RDX: variants seen among roughly 807,000 people sequenced by gnomAD.
RDX encodes deafness, autosomal recessive 24.
Under a neutral mutation model 83.7 loss-of-function variants are expected in RDX, and 32 were observed. The ratio of observed to expected loss-of-function variants is 0.38; its 90% CI spans 0.29 to 0.51. RDX has a LOEUF of 0.51. Among genes scored for constraint, RDX ranks in the 20% least tolerant of loss-of-function variants. The pLI is 0.87. For synonymous variants in RDX, 229 were observed against 222.7 expected (o/e 1.03, Z -0.25); for missense variants, 600 against 689.9 (o/e 0.87, Z 1.46).
chr11:110,203,104 A>ATGG (rs1863474109), intron 14 of RDX, among the ~76,000 whole-genome samples: 1 of 152,202 alleles, frequency 6.6e-6, no homozygotes, highest in African/African-American at 2.4e-5. Context: ...ATTTGGAAGC[A>ATGG]ACCTAAGTGT....
chr11:110,272,809 C>A, intron 2 of RDX, 190 bp from the exon 3 acceptor site: 2 of 580,740 alleles, frequency 3.4e-6, no homozygotes, highest in Non-Finnish European at 6.2e-6. Context: ...ATATACTGGG[C>A]ACTAAGCTAT....
intron 15 of RDX, among the ~76,000 whole-genome samples, chr11:110,182,869 AT>A (rs1259212915): frequency 2.0e-5 from 3 of 152,210 alleles, no homozygotes; most frequent in Admixed American, 1.3e-4. Context: ...GATTCTATGT[AT>A]TTGGGGAGGA....
At chr11:110,238,155 A>G (rs563025530) in intron 10 of RDX, among the ~76,000 whole-genome samples, 2 of 152,366 alleles carry the variant, frequency 1.3e-5, no homozygotes, top group East Asian at 3.9e-4. Context: ...TAAATCCAAG[A>G]AATTAAGATT....
At chr11:110,192,902 T>G (rs1383542323) in intron 15 of RDX, among the ~76,000 whole-genome samples, 1 of 151,994 alleles carries the variant, frequency 6.6e-6, no homozygotes, top group Non-Finnish European at 1.5e-5. Flanking sequence ...AAGAGAATTC[T>G]TATACACTGT....
At chr11:110,249,683 A>C (rs755205999) in intron 9 of RDX, among the ~76,000 whole-genome samples, 2 of 152,174 alleles carry the variant, frequency 1.3e-5, no homozygotes, top group Admixed American at 1.3e-4. Flanking sequence ...AGACCAGGGC[A>C]ACATAGCGAG....
chr11:110,261,358 T>C (rs538535993), intron 5 of RDX, among the ~76,000 whole-genome samples: 1 of 152,334 alleles, frequency 6.6e-6, no homozygotes, highest in East Asian at 1.9e-4. Context: ...AGGGAAGCAA[T>C]ACTATCTGGT....
intron 10 of RDX, among the ~76,000 whole-genome samples, chr11:110,245,631 T>TA (rs1859076298): frequency 6.6e-6 from 1 of 152,210 alleles, no homozygotes. Context: ...ACTCCCCTCC[T>TA]ACCCACAACT....
At chr11:110,188,977 T>C (rs189981650) in intron 15 of RDX, among the ~76,000 whole-genome samples, 69 of 151,982 alleles carry the variant, frequency 4.5e-4, no homozygotes, top group Non-Finnish European at 8.4e-4. Context: ...AACTTCACGA[T>C]AGGATCCAAA....
chr11:110,183,856 G>A (rs548677272), intron 15 of RDX, among the ~76,000 whole-genome samples: 15 of 152,310 alleles, frequency 9.8e-5, no homozygotes, highest in African/African-American at 2.9e-4. Flanking sequence ...CAAGACCTAC[G>A]CCAGCTGAAA....
At chr11:110,266,292 C>CACT (rs1179515995) in intron 3 of RDX, among the ~76,000 whole-genome samples, 2 of 151,478 alleles carry the variant, frequency 1.3e-5, no homozygotes, top group African/African-American at 4.9e-5. Flanking sequence ...GAGATCGTGC[C>CACT]ACTGCACTCC....
At chr11:110,225,785 G>A (rs1331461974), downstream of RDX, among the ~76,000 whole-genome samples, 2 of 151,984 alleles carry the variant, frequency 1.3e-5, no homozygotes, top group Non-Finnish European at 1.5e-5. Context: ...GATGGCTGAC[G>A]CCTGTAATCC....
At chr11:110,261,280 C>T (rs1859793738) in intron 5 of RDX, among the ~76,000 whole-genome samples, 1 of 152,172 alleles carries the variant, frequency 6.6e-6, no homozygotes, top group South Asian at 2.1e-4. Flanking sequence ...AAAGGTATTA[C>T]CAAATACCCA....
chr11:110,221,759 T>G (rs2134277431), intron 14 of RDX, among the ~76,000 whole-genome samples: 1 of 152,302 alleles, frequency 6.6e-6, no homozygotes, highest in South Asian at 2.1e-4. Context: ...TGAATCAAAG[T>G]GACCTAAAGT....
intron 14 of RDX, among the ~76,000 whole-genome samples, chr11:110,204,365 C>T (rs1863524891): frequency 6.6e-6 from 1 of 151,074 alleles, no homozygotes; most frequent in Non-Finnish European, 1.5e-5. Flanking sequence ...ATAAATCTAA[C>T]AAAATAAATA....
At chr11:110,209,552 AAGAC>A (rs1863746853) in intron 14 of RDX, among the ~76,000 whole-genome samples, 1 of 152,048 alleles carries the variant, frequency 6.6e-6, no homozygotes, top group Non-Finnish European at 1.5e-5. Flanking sequence ...GACAAACAAA[AAGAC>A]AGCAGTAACC....
intron 1 of RDX, among the ~76,000 whole-genome samples, chr11:110,290,082 A>G (rs1861173288): frequency 6.6e-6 from 1 of 152,062 alleles, no homozygotes; most frequent in African/African-American, 2.4e-5. Flanking sequence ...AACTTATTAA[A>G]AGATTATCAG....
intron 1 of RDX, among the ~76,000 whole-genome samples, chr11:110,292,275 A>G (rs1391903482): frequency 6.6e-6 from 1 of 151,684 alleles, no homozygotes; most frequent in Non-Finnish European, 1.5e-5. Flanking sequence ...CCTGGGCAAC[A>G]GAGCGAGACC....
intron 2 of RDX, among the ~76,000 whole-genome samples, chr11:110,279,232 T>C (rs1486929579): frequency 6.6e-6 from 1 of 152,222 alleles, no homozygotes; most frequent in African/African-American, 2.4e-5. Context: ...CAGATTGAGC[T>C]AAATTAACAA....
intron 1 of RDX, among the ~76,000 whole-genome samples, 158 bp downstream of exon 1, chr11:110,296,309 T>G (rs1418823338): frequency 6.8e-6 from 1 of 147,620 alleles, no homozygotes; most frequent in African/African-American, 2.5e-5. Flanking sequence ...GTTACCACAG[T>G]GGCGCCTCGG....
Sources: gnomAD v4.1 joint callset for allele counts (sites outside exome capture counted in the v4.1 genomes callset) on GRCh38, gnomAD v4.1.1 for gene constraint, MANE v1.5 for transcripts, NCBI Gene and HGNC (gene_info 2026-07-23, HGNC 2026-07-21) for gene names.